The following ADCY2 variants were observed in gnomAD, a reference collection of about 807,000 sequenced individuals.
The protein encoded by ADCY2 is adenylate cyclase 2.
A neutral mutation model predicts 125.2 loss-of-function variants in ADCY2; 31 were observed. The ratio of observed to expected loss-of-function variants is 0.25; its 90% CI spans 0.19 to 0.33. The LOEUF (loss-of-function observed/expected upper bound fraction) is 0.33, where lower values mean the gene tolerates loss of function less well. ADCY2 is among the 10% of genes least tolerant of loss of function. ADCY2 has a pLI of 1.00. For synonymous variants in ADCY2, 512 were observed against 548.4 expected (o/e 0.93, Z 0.93); for missense variants, 904 against 1,418.2 (o/e 0.64, Z 5.82).
intron 17 of ADCY2, among the ~76,000 whole-genome samples, chr5:7,770,619 T>C (rs553310791): frequency 7.6e-4 from 116 of 152,304 alleles, no homozygotes; most frequent in African/African-American, 2.7e-3. Context: ...ATCTTTACTT[T>C]GAGTGACTCA....
At chr5:7,752,366 T>C (rs573477746) in intron 15 of ADCY2, among the ~76,000 whole-genome samples, 1 of 152,314 alleles carries the variant, frequency 6.6e-6, no homozygotes, top group African/African-American at 2.4e-5. Flanking sequence ...CATGTTTATA[T>C]GAAACATGAA....
intron 22 of ADCY2, among the ~76,000 whole-genome samples, chr5:7,805,348 G>A (rs1017427659): frequency 6.6e-6 from 1 of 151,970 alleles, no homozygotes; most frequent in African/African-American, 2.4e-5. Context: ...AAATAATGTG[G>A]TCAAAAAACA....
intron 2 of ADCY2, among the ~76,000 whole-genome samples, chr5:7,478,482 C>T (rs2126468363): frequency 6.6e-6 from 1 of 152,094 alleles, no homozygotes; most frequent in South Asian, 2.1e-4. Context: ...CTTAACATAC[C>T]AGAAACTCAA....
chr5:7,476,159 T>C (rs952308547), intron 2 of ADCY2, among the ~76,000 whole-genome samples: 1 of 152,096 alleles, frequency 6.6e-6, no homozygotes, highest in Non-Finnish European at 1.5e-5. Flanking sequence ...TGAAAATACA[T>C]TTTCCACATT....
chr5:7,752,424 T>A (rs184665497), intron 15 of ADCY2, among the ~76,000 whole-genome samples: 2 of 152,198 alleles, frequency 1.3e-5, no homozygotes, highest in African/African-American at 2.4e-5. Context: ...TTCGTTTTTC[T>A]AATAATAAAA....
chr5:7,460,055 G>A (rs1325527257), intron 2 of ADCY2, among the ~76,000 whole-genome samples: 2 of 151,804 alleles, frequency 1.3e-5, no homozygotes, highest in Non-Finnish European at 2.9e-5. Context: ...CAAAGTGCTG[G>A]GATTACAGGT....
At chr5:7,738,169 C>T (rs1742303137) in intron 14 of ADCY2, among the ~76,000 whole-genome samples, 1 of 152,044 alleles carries the variant, frequency 6.6e-6, no homozygotes, top group Non-Finnish European at 1.5e-5. Context: ...TAAAAGACAA[C>T]AGGTGATCTG....
At chr5:7,672,426 G>T (rs554648557) in intron 4 of ADCY2, among the ~76,000 whole-genome samples, 16 of 152,254 alleles carry the variant, frequency 1.1e-4, no homozygotes, top group African/African-American at 3.9e-4. Flanking sequence ...ACTACCGCCT[G>T]TGGGTCAAAT....
chr5:7,592,455 CTGGAGACATGGCAA>C (rs1463497833), intron 3 of ADCY2, among the ~76,000 whole-genome samples: 1 of 152,024 alleles, frequency 6.6e-6, no homozygotes, highest in African/African-American at 2.4e-5. Flanking sequence ...AAAATAAAAT[CTGGAGACATGGCAA>C]TGGAGACTCC....
intron 3 of ADCY2, among the ~76,000 whole-genome samples, chr5:7,557,135 T>TTATA (rs60652060): frequency 7.7e-5 from 6 of 77,466 alleles, no homozygotes; most frequent in African/African-American, 1.7e-4. Flanking sequence ...CAAAAACAGT[T>TTATA]TATATATATA....
intron 24 of ADCY2, among the ~76,000 whole-genome samples, chr5:7,824,388 A>G (rs1561047316): frequency 6.6e-6 from 1 of 152,166 alleles, no homozygotes; most frequent in Admixed American, 6.5e-5. Flanking sequence ...GTTCGGCATT[A>G]TGAACACCAG....
At chr5:7,502,343 A>G (rs566716137) in intron 2 of ADCY2, among the ~76,000 whole-genome samples, 1 of 151,762 alleles carries the variant, frequency 6.6e-6, no homozygotes, top group Non-Finnish European at 1.5e-5. Flanking sequence ...AGCCCCTGCT[A>G]TGGACACTTT....
intron 3 of ADCY2, among the ~76,000 whole-genome samples, chr5:7,589,462 G>GAAAGA (rs1554022178): frequency 3.5e-4 from 12 of 34,204 alleles, no homozygotes; most frequent in Non-Finnish European, 6.9e-4. Context: ...GAAAGAAAAA[G>GAAAGA]AAAGAAAGAA....
rs561516026 is a variant in ADCY2 at position 7,407,999 on chromosome 5, G to C, written c.211-6574G>C. Among the ~76,000 whole-genome samples, 570 of 151,582 alleles carry C rather than the reference G, an allele frequency of 3.8e-3. 5 individuals are homozygous for C. Among genetic ancestry groups the C allele is most frequent in the African/African-American group, 0.013 (525 of 41,284 alleles). ...TTCTTGTGCCTCAGCCTCCCGAGTA[G>C]CTGGGTTTACAGGCATGTGCCACCA... On this transcript the variant is annotated intron_variant, in intron 1 of 24. Transcript: ENST00000338316.
At chr5:7,633,235 A>T (rs1431666069) in intron 4 of ADCY2, among the ~76,000 whole-genome samples, 1 of 152,074 alleles carries the variant, frequency 6.6e-6, no homozygotes, top group Non-Finnish European at 1.5e-5. Flanking sequence ...GTTTGAGACC[A>T]GCCTGGCCAA....
At chr5:7,651,145 C>T (rs943055014) in intron 4 of ADCY2, among the ~76,000 whole-genome samples, 2 of 152,178 alleles carry the variant, frequency 1.3e-5, no homozygotes, top group African/African-American at 4.8e-5. Flanking sequence ...ACTGTTTGTC[C>T]AGCAAGCGTA....
At chr5:7,495,028 G>A (rs1743298137) in intron 2 of ADCY2, among the ~76,000 whole-genome samples, 1 of 152,140 alleles carries the variant, frequency 6.6e-6, no homozygotes, top group Non-Finnish European at 1.5e-5. Flanking sequence ...CATCTCTGCT[G>A]TCACTTTGCT....
At chr5:7,655,338 C>A (rs1336667791) in intron 4 of ADCY2, among the ~76,000 whole-genome samples, 1 of 152,164 alleles carries the variant, frequency 6.6e-6, no homozygotes, top group African/African-American at 2.4e-5. Context: ...GAAGTGTTCA[C>A]TAACACAATT....
chr5:7,669,497 G>T (rs1039843246), intron 4 of ADCY2, among the ~76,000 whole-genome samples: 1 of 152,172 alleles, frequency 6.6e-6, no homozygotes, highest in Non-Finnish European at 1.5e-5. Context: ...CCCTGGCCAA[G>T]GAATTTACGT....
Sources: allele counts gnomAD v4.1 joint callset (sites outside exome capture counted in the v4.1 genomes callset), GRCh38; gene constraint gnomAD v4.1.1; transcripts MANE v1.5; gene names NCBI Gene and HGNC (gene_info 2026-07-23, HGNC 2026-07-21).